ACER3: variants seen among roughly 807,000 people sequenced by gnomAD.
The protein encoded by ACER3 is alkaline ceramidase 3.
In ACER3, 16 loss-of-function variants were observed where a neutral mutation model predicts 48.9. That is an observed-to-expected ratio of 0.33 (90% CI 0.22 to 0.50). The LOEUF is 0.50. ACER3 is among the 20% of genes least tolerant of loss of function. The pLI, the probability that ACER3 is intolerant of heterozygous loss-of-function variation, is 0.98. For missense variants in ACER3, 227 were observed against 326.0 expected (o/e 0.70, Z 2.34); for synonymous variants, 109 against 107.8 (o/e 1.01, Z -0.07).
intron 2 of ACER3, among the ~76,000 whole-genome samples, chr11:76,937,258 G>T (rs1947214747): frequency 2.0e-5 from 3 of 152,156 alleles, no homozygotes; most frequent in Admixed American, 2.0e-4. Context: ...GGAGAAATAG[G>T]CATTCTTCTT....
chr11:76,998,965 T>C, intron 7 of ACER3, 144 bp downstream of exon 7: 3 of 558,826 alleles, frequency 5.4e-6, no homozygotes, highest in Non-Finnish European at 8.5e-6. Context: ...TTTATTGTTA[T>C]ATTATAAGGA....
At chr11:76,898,244 A>G (rs1316908620) in intron 1 of ACER3, among the ~76,000 whole-genome samples, 1 of 152,246 alleles carries the variant, frequency 6.6e-6, no homozygotes, top group Admixed American at 6.5e-5. Flanking sequence ...TTGACCTCAA[A>G]GACTCCAAAA....
chr11:76,957,475 A>G lies in ACER3; in HGVS notation c.215-1504A>G, dbSNP rs147524077. 5 of 451,036 alleles carry G rather than the reference A, an allele frequency of 1.1e-5. No individual in the cohort carries two copies. The East Asian group carries it at 3.5e-4, about 32-fold the overall frequency. The allele number at this position is 451,036 out of a possible 1,614,324, so 27.9% of individuals were successfully genotyped here. A position where few individuals can be genotyped will look rare whatever the true frequency, so the allele number is the denominator to read the frequency against. On this transcript the variant is annotated intron_variant, in intron 2 of 10. Coordinates refer to ENST00000532485, the MANE Select transcript of ACER3 (RefSeq NM_018367.7). ...TTTTTCATTTTTGAGATGGAGTCTC[A>G]CTCTGTCGCCGAGGCTGAAGTGCAG...
At chr11:76,933,976 C>T (rs1421710063) in intron 2 of ACER3, among the ~76,000 whole-genome samples, 5 of 151,768 alleles carry the variant, frequency 3.3e-5, no homozygotes, top group East Asian at 1.9e-4. Flanking sequence ...GACGGGGTCG[C>T]GGCTGTGCAG....
chr11:76,864,060 A>G (rs1428115956), intron 1 of ACER3, among the ~76,000 whole-genome samples: 1 of 152,224 alleles, frequency 6.6e-6, no homozygotes, highest in African/African-American at 2.4e-5. Context: ...CAGCATTAGA[A>G]TATATGTATT....
chr11:76,970,088 GT>G (rs1445235717), intron 3 of ACER3, among the ~76,000 whole-genome samples: 1 of 152,120 alleles, frequency 6.6e-6, no homozygotes, highest in East Asian at 1.9e-4. Context: ...GGCACAGTCT[GT>G]TTTGTCAGTC....
chr11:76,992,144 T>C (rs1419414273), intron 6 of ACER3, among the ~76,000 whole-genome samples: 1 of 151,952 alleles, frequency 6.6e-6, no homozygotes, highest in Admixed American at 6.5e-5. Context: ...CCCAGGAGGA[T>C]CCCTTGAGCC....
chr11:76,986,609 T>C (rs1285797968), intron 5 of ACER3, among the ~76,000 whole-genome samples: 5 of 152,244 alleles, frequency 3.3e-5, no homozygotes, highest in African/African-American at 4.8e-5. Flanking sequence ...TTACCTTCAT[T>C]GTCTCATTAA....
chr11:76,993,233 A>T (rs777468937), intron 6 of ACER3, among the ~76,000 whole-genome samples: 2 of 152,172 alleles, frequency 1.3e-5, no homozygotes, highest in African/African-American at 2.4e-5. Context: ...GGCACAAGAG[A>T]TACATATACT....
chr11:76,895,729 C>CA (rs1167579512), intron 1 of ACER3, among the ~76,000 whole-genome samples: 1 of 152,160 alleles, frequency 6.6e-6, no homozygotes, highest in African/African-American at 2.4e-5. Flanking sequence ...GATGAAACTG[C>CA]AAGCAGCCTG....
chr11:76,909,479 C>T (rs1214882921), intron 1 of ACER3, among the ~76,000 whole-genome samples: 2 of 152,136 alleles, frequency 1.3e-5, no homozygotes, highest in Non-Finnish European at 2.9e-5. Context: ...AGACACTTTT[C>T]AAAAGAAGAC....
chr11:76,947,005 C>G (rs1188412363), intron 2 of ACER3, among the ~76,000 whole-genome samples: 2 of 152,154 alleles, frequency 1.3e-5, no homozygotes, highest in African/African-American at 4.8e-5. Context: ...TCAGTCAGTC[C>G]CTGGCTAGGC....
At chr11:76,957,450 T>G (rs1460383229) in intron 2 of ACER3, 34 of 452,642 alleles carry the variant, frequency 7.5e-5, no homozygotes, top group Admixed American at 5.0e-4. Flanking sequence ...GTGTGTGTGT[T>G]TTTTCATTTT....
intron 1 of ACER3, among the ~76,000 whole-genome samples, chr11:76,917,876 GAAAGA>G (rs1565175913): frequency 2.1e-5 from 3 of 141,320 alleles, no homozygotes; most frequent in South Asian, 2.3e-4. Flanking sequence ...AAAAAAAAAA[GAAAGA>G]AAAGAAAAGA....
chr11:76,979,489 T>C (rs1948530353), intron 4 of ACER3, among the ~76,000 whole-genome samples: 2 of 152,090 alleles, frequency 1.3e-5, no homozygotes, highest in Admixed American at 6.6e-5. Context: ...CTGTCTCTGC[T>C]AAAAATACAA....
chr11:76,906,457 C>G (rs1299394260), intron 1 of ACER3, among the ~76,000 whole-genome samples: 2 of 152,180 alleles, frequency 1.3e-5, no homozygotes, highest in African/African-American at 4.8e-5. Context: ...TTGTTTTCCA[C>G]ACCCCTATGA....
In ACER3 at chr11:76,967,590, A is replaced by G. The variant is rs920018340; in HGVS notation, c.267+8559A>G. 3.3e-5 allele frequency among the ~76,000 whole-genome samples: 5 copies of G among 152,300 alleles called. 1 individual carries two copies. Among genetic ancestry groups the G allele is most frequent in the Admixed American group, 3.3e-4 (5 of 15,306 alleles). The stretch of plus-strand genomic sequence containing the variant: ...CAGCAGCACATCAAAAAACTTATCC[A>G]CCATGATCAAGTGGGCTTCATCCCT... On this transcript the variant is annotated intron_variant, in intron 3 of 10. Coordinates refer to ENST00000532485, the MANE Select transcript of ACER3 (RefSeq NM_018367.7).
chr11:76,926,631 G>GA lies in ACER3; in HGVS notation c.182dup (p.Arg62AlafsTer26), dbSNP rs781710875. 3.1e-6 allele frequency: 5 copies of GA among 1,604,984 alleles called. No homozygotes were observed. Among genetic ancestry groups the GA allele is most frequent in the Non-Finnish European group, 4.3e-6 (5 of 1,171,936 alleles). ...AGTTCAGAGTGTTAGAGACGGTCTGGAAAAGCGGTACATTGCTTCTTATTT... is the reference window on the plus strand; with the variant it reads ...AGTTCAGAGTGTTAGAGACGGTCTGGAAAAAGCGGTACATTGCTTCTTATTT... On this transcript the variant is annotated frameshift_variant, in exon 2 of 11. Coordinates refer to ENST00000532485, the MANE Select transcript of ACER3 (RefSeq NM_018367.7). LOFTEE classifies it high-confidence loss of function.
intron 1 of ACER3, among the ~76,000 whole-genome samples, chr11:76,907,415 A>G (rs1368271651): frequency 1.3e-5 from 2 of 152,240 alleles, no homozygotes; most frequent in Admixed American, 6.5e-5. Flanking sequence ...TTATATCTCT[A>G]TTTTTGTGGT....
Sources: allele counts gnomAD v4.1 joint callset (sites outside exome capture counted in the v4.1 genomes callset), GRCh38; gene constraint gnomAD v4.1.1; transcripts MANE v1.5; gene names NCBI Gene and HGNC (gene_info 2026-07-23, HGNC 2026-07-21).